HCN4: variants seen among roughly 807,000 people sequenced by gnomAD.
The protein encoded by HCN4 is potassium/sodium hyperpolarization-activated cyclic nucleotide-gated channel 4.
HCN4 carries 29 observed loss-of-function variants against 76.9 expected under a neutral mutation model. The ratio of observed to expected loss-of-function variants is 0.38; its 90% confidence interval spans 0.28 to 0.51. HCN4 has a LOEUF of 0.51. HCN4 is among the 20% of genes least tolerant of loss of function. The pLI, the probability that HCN4 is intolerant of heterozygous loss-of-function variation, is 0.90. For missense variants in HCN4, 1,416 were observed against 1,715.2 expected, an observed-to-expected ratio of 0.83 and a Z score of 3.08; for synonymous variants, 772 against 762.5, an observed-to-expected ratio of 1.01 and a Z score of -0.21.
intron 6 of HCN4, 51 bp downstream of exon 6, chr15:73,324,904 C>T (rs1273989549): frequency 2.5e-6 from 4 of 1,610,656 alleles, no homozygotes; most frequent in Non-Finnish European, 3.4e-6. Flanking sequence ...TCTCCCCAAA[C>T]CAGCCCCTGG....
chr15:73,344,632 C>A (rs2043022074), intron 1 of HCN4, among the ~76,000 whole-genome samples: 1 of 152,186 alleles, frequency 6.6e-6, no homozygotes, highest in South Asian at 2.1e-4. Context: ...GAGACCAGCC[C>A]AGGGCTTCCA....
rs568733106 is a variant in HCN4 at position 73,361,406 on chromosome 15, C to A, written c.785+6080G>T. Among the ~76,000 whole-genome samples, 73 of 152,332 alleles carry A rather than the reference C, an allele frequency of 4.8e-4. 1 individual carries two copies. The highest frequency in any genetic ancestry group is 1.6e-3 in the African/African-American group (68 of 41,576). ...CATCCTCTCCAAAGCCAACACAATG[C>A]CCCTGCCCGCCCATGGCCCTCTCTG... On this transcript the variant is annotated intron_variant, in intron 1 of 7. Coordinates refer to ENST00000261917, the MANE Select transcript of HCN4 (RefSeq NM_005477.3).
intron 1 of HCN4, among the ~76,000 whole-genome samples, chr15:73,351,754 T>G (rs767023795): frequency 2.0e-5 from 3 of 152,178 alleles, no homozygotes; most frequent in Non-Finnish European, 4.4e-5. Flanking sequence ...ACCTCTTAAG[T>G]GAAATCCAAA....
chr15:73,358,975 G>A (rs1018232020), intron 1 of HCN4, among the ~76,000 whole-genome samples: 5 of 152,118 alleles, frequency 3.3e-5, no homozygotes, highest in African/African-American at 1.2e-4. Context: ...ATTCTGGAGG[G>A]CATGACTCCC....
At chr15:73,345,972 G>A (rs2043028136) in intron 1 of HCN4, among the ~76,000 whole-genome samples, 1 of 152,160 alleles carries the variant, frequency 6.6e-6, no homozygotes, top group Admixed American at 6.5e-5. Context: ...GTCCAAATTT[G>A]AGAGAGTAAT....
chr15:73,333,021 T>TA (rs1334962185), intron 2 of HCN4, among the ~76,000 whole-genome samples: 1 of 152,232 alleles, frequency 6.6e-6, no homozygotes. Flanking sequence ...AAGCTGTTAT[T>TA]AATAATTAAT....
rs1321134498 is a variant in HCN4, at chr15:73,325,995, A to G, written c.1591-551T>C. ...GGGTCATTTCGTTGAGAGCAACTCC[A>G]GGTAAGGGAAAAGCAGGGTAGACTA... On this transcript the variant is annotated intron_variant, in intron 4 of 7. Coordinates refer to ENST00000261917, the MANE Select transcript of HCN4 (RefSeq NM_005477.3). The surrounding 1 kb of genome is among the most constrained non-coding windows in gnomAD (Gnocchi z 7.4). 6.6e-6 allele frequency among the ~76,000 whole-genome samples: 1 copy of G among 152,186 alleles called. No homozygotes were observed. Among genetic ancestry groups the G allele is most frequent in the Non-Finnish European group, 1.5e-5 (1 of 68,020 alleles).
chr15:73,368,346 G>C lies in HCN4; in HGVS notation c.-76C>G, dbSNP rs1357781539. 5.4e-6 allele frequency: 6 copies of C among 1,103,868 alleles called. No homozygotes were observed. Among genetic ancestry groups the C allele is most frequent in the African/African-American group, 1.7e-5 (1 of 60,416 alleles). The allele number at this position is 1,103,868 out of a possible 1,614,324, so 68.4% of individuals were successfully genotyped here. A position where few individuals can be genotyped will look rare whatever the true frequency, so the allele number is the denominator to read the frequency against. Reference sequence around the variant, plus strand: ...CGGACGGGCTCCAGGTCCGCCCGCCGGTCAGTCCGCCCGTGGGGACGCGTC... The same window carrying C: ...CGGACGGGCTCCAGGTCCGCCCGCCCGTCAGTCCGCCCGTGGGGACGCGTC... On this transcript the variant is annotated 5_prime_UTR_variant, in exon 1 of 8. Transcript: ENST00000261917. This position sits in a 1 kb window ranked among gnomAD's most constrained non-coding sequence, Gnocchi z 6.9.
At chr15:73,353,067 T>C (rs1201290991) in intron 1 of HCN4, among the ~76,000 whole-genome samples, 3 of 151,816 alleles carry the variant, frequency 2.0e-5, no homozygotes, top group Non-Finnish European at 2.9e-5. Context: ...GACGGGAGAC[T>C]GTTGCCAGAA....
chr15:73,346,794 A>G (rs897900636), intron 1 of HCN4, among the ~76,000 whole-genome samples: 3 of 152,122 alleles, frequency 2.0e-5, no homozygotes, highest in African/African-American at 7.2e-5. Flanking sequence ...AGGTGAGAGG[A>G]GTTGGGTTTT....
chr15:73,341,349 C>T (rs1454095866), intron 2 of HCN4, among the ~76,000 whole-genome samples: 1 of 151,960 alleles, frequency 6.6e-6, no homozygotes, highest in Non-Finnish European at 1.5e-5. Flanking sequence ...ACCACGTTGG[C>T]CAGGCTGGTT....
chr15:73,332,999 T>C (rs2042941492), intron 2 of HCN4, among the ~76,000 whole-genome samples: 1 of 152,248 alleles, frequency 6.6e-6, no homozygotes, highest in African/African-American at 2.4e-5. Flanking sequence ...TTACAAACCA[T>C]TATTAATTGA....
intron 2 of HCN4, among the ~76,000 whole-genome samples, chr15:73,334,767 G>A (rs771789318): frequency 1.2e-4 from 18 of 152,068 alleles, no homozygotes; most frequent in Non-Finnish European, 1.9e-4. Flanking sequence ...CTAGCAAAGT[G>A]CTCTCTGCAC....
Position 73,322,404 on chromosome 15 carries a change from T to C in HCN4, c.*77A>G. The C allele has an allele frequency of 8.8e-7, 1 of 1,135,704 alleles. No individual in the cohort carries two copies. The highest frequency in any genetic ancestry group is 1.3e-6 in the Non-Finnish European group (1 of 768,704). 70.4% of individuals were successfully genotyped at this position (1,135,704 alleles called of 1,614,324 possible). On this transcript the variant is annotated 3_prime_UTR_variant, in exon 8 of 8. Transcript: ENST00000261917. Reference sequence around the variant, plus strand: ...AATAATTATTACTGTTATTGGTATATCTCCTAATCACAGTTAAACCTGAAG... The same window carrying C: ...AATAATTATTACTGTTATTGGTATACCTCCTAATCACAGTTAAACCTGAAG...
chr15:73,346,367 T>A (rs1190449058), intron 1 of HCN4, among the ~76,000 whole-genome samples: 1 of 152,202 alleles, frequency 6.6e-6, no homozygotes. Context: ...ATCAATTGAT[T>A]TCTGTCAAAT....
chr15:73,325,547 G>T lies in HCN4; in HGVS notation c.1591-103C>A, dbSNP rs1203910662. ...CCACATCCGGGCACCCACCCCGGGG[G>T]ATTTCCTGGCTAAACTTGGTTCCTT... On this transcript the variant is annotated intron_variant, in intron 4 of 7. Coordinates refer to ENST00000261917, the MANE Select transcript of HCN4 (RefSeq NM_005477.3). The surrounding 1 kb of genome is among the most constrained non-coding windows in gnomAD (Gnocchi z 7.4). 2 of 1,198,730 alleles carry T rather than the reference G, an allele frequency of 1.7e-6. No individual in the cohort carries two copies. The highest frequency in any genetic ancestry group is 1.5e-5 in the African/African-American group (1 of 66,738). The allele number at this position is 1,198,730 out of a possible 1,614,324, so 74.3% of individuals were successfully genotyped here. A position where few individuals can be genotyped will look rare whatever the true frequency, so the allele number is the denominator to read the frequency against.
At position 73,330,810 on chromosome 15, in the gene HCN4, G is replaced by A. The variant is rs2042928301; in HGVS notation, c.1372-1019C>T. Among the ~76,000 whole-genome samples, 4 of 152,316 alleles carry A rather than the reference G, an allele frequency of 2.6e-5. No homozygotes were observed. In the South Asian group the frequency reaches 8.3e-4, roughly 32 times the overall value. On this transcript the variant is annotated intron_variant, in intron 3 of 7. Transcript: ENST00000261917. ...GGGTCTGATGGCTCAGTCTAGACTG[G>A]AGTGGGGACCAGGAGGGCTCATCCC...
At position 73,367,790 on chromosome 15, in the gene HCN4, G is replaced by T. The variant is rs1490522995; in HGVS notation, c.481C>A (p.Pro161Thr). 7.5e-7 allele frequency: 1 copy of T among 1,334,646 alleles called. No homozygotes were observed. Among genetic ancestry groups the T allele is most frequent in the African/African-American group, 1.5e-5 (1 of 65,202 alleles). The allele number at this position is 1,334,646 out of a possible 1,614,324, so 82.7% of individuals were successfully genotyped here. ...EPERPGASAQ[P>T]AASPPPPQQP... Reference sequence around the variant, plus strand: ...TGGGGCGGCGGCGGCGAGGCTGCGGGCTGCGCCGAGGCGCCGGGGCGCTCG... The same window carrying T: ...TGGGGCGGCGGCGGCGAGGCTGCGGTCTGCGCCGAGGCGCCGGGGCGCTCG... Residue 161 changes from proline (P) to threonine (T), a missense_variant, in exon 1 of 8, where the codon CCC (proline) becomes ACC (threonine). Physicochemically the swap from Pro to Thr is conservative, Grantham distance 38 (BLOSUM62 -1). Transcript: ENST00000261917. The surrounding 1 kb of genome is among the most constrained non-coding windows in gnomAD (Gnocchi z 7.5).
rs918783630 is a variant in HCN4 at position 73,343,426 on chromosome 15, G to A, written c.1168C>T (p.Arg390Cys). The change falls in exon 2 of 8, where the codon CGC becomes TGC. Residue 390 changes from arginine (R) to cysteine (C), a missense_variant. Around this residue, in one of 6 missense-constraint regions of HCN4, gnomAD observed 112 missense variants for 259.9 expected, o/e 0.43. Transcript: ENST00000261917. This position sits in a 1 kb window ranked among gnomAD's most constrained non-coding sequence, Gnocchi z 5.7. ...TKILSLLRLL[R>C]LSRLIRYIHQ... is the part of the protein sequence containing the mutation. ...ATATATCGAATGAGGCGGGAGAGGC[G>A]TAACAGGCGTAAGAGGCTGAGGATC... 5 of 1,614,150 alleles carry A rather than the reference G, an allele frequency of 3.1e-6. No individual in the cohort carries two copies. The highest frequency in any genetic ancestry group is 4.2e-6 in the Non-Finnish European group (5 of 1,180,028).
Sources: allele counts gnomAD v4.1 joint callset (sites outside exome capture counted in the v4.1 genomes callset), GRCh38; gene constraint gnomAD v4.1.1; regional missense constraint gnomAD v4.1.1; non-coding constraint Gnocchi (gnomAD v3.1); transcripts MANE v1.5; gene names NCBI Gene and HGNC (gene_info 2026-07-23, HGNC 2026-07-21).